ULK4: variants seen among roughly 807,000 people sequenced by gnomAD.
ULK4 encodes inactive serine/threonine-protein kinase ULK4.
ULK4 carries 133 observed loss-of-function variants against 160.6 expected under a neutral mutation model. That is an observed-to-expected ratio of 0.83 (90% CI 0.72 to 0.96). The LOEUF (loss-of-function observed/expected upper bound fraction) is 0.96. Among genes scored for constraint, ULK4 ranks in the 40% least tolerant of loss-of-function variants. ULK4 has a pLI of 0.00. For missense variants in ULK4, 1,580 were observed against 1,499.5 expected (o/e 1.05, Z -0.89); for synonymous variants, 534 against 539.8 (o/e 0.99, Z 0.15).
At chr3:41,384,553 G>T (rs551766278) in intron 35 of ULK4, among the ~76,000 whole-genome samples, 2 of 152,226 alleles carry the variant, frequency 1.3e-5, no homozygotes, top group East Asian at 3.9e-4. Flanking sequence ...GAGATCGGGT[G>T]CGTTCAGGGT....
At chr3:41,827,559 T>A (rs2041406491) in intron 18 of ULK4, among the ~76,000 whole-genome samples, 2 of 151,978 alleles carry the variant, frequency 1.3e-5, no homozygotes, top group Admixed American at 6.6e-5. Flanking sequence ...AATAAATGGA[T>A]AAATTCCTCG....
At chr3:41,379,684 T>C (rs1309818716) in intron 35 of ULK4, among the ~76,000 whole-genome samples, 1 of 152,122 alleles carries the variant, frequency 6.6e-6, no homozygotes, top group Admixed American at 6.6e-5. Flanking sequence ...AAGGAGACCA[T>C]GTGGTTTAGC....
At chr3:41,768,234 A>G (rs1281654732) in intron 21 of ULK4, among the ~76,000 whole-genome samples, 2 of 152,190 alleles carry the variant, frequency 1.3e-5, no homozygotes, top group Non-Finnish European at 2.9e-5. Flanking sequence ...TGGTGCCAAA[A>G]AGGGTGGAGA....
intron 22 of ULK4, among the ~76,000 whole-genome samples, chr3:41,738,577 T>C (rs758225908): frequency 6.6e-6 from 1 of 151,872 alleles, no homozygotes; most frequent in African/African-American, 2.4e-5. Flanking sequence ...TACTTTTTAG[T>C]TGGCTTAGTA....
intron 30 of ULK4, among the ~76,000 whole-genome samples, chr3:41,645,165 T>G (rs2034425516): frequency 6.7e-6 from 1 of 150,284 alleles, no homozygotes; most frequent in South Asian, 2.1e-4. Context: ...CATTAATTTT[T>G]TGAAGGGTTT....
rs575728037 is a variant in ULK4, at chr3:41,278,410, C to T, written c.3679-28836G>A. On this transcript the variant is annotated intron_variant, in intron 35 of 36. Transcript: ENST00000301831. ...AGCAGACAACTTCTGTAGACTTAAA[C>T]GTCCCTGGCTGACAGCTCTGAAGAG... 2.6e-5 allele frequency among the ~76,000 whole-genome samples: 4 copies of T among 152,324 alleles called. No homozygotes were observed. The East Asian group carries it at 7.7e-4, about 29-fold the overall frequency.
intron 35 of ULK4, chr3:41,260,097 G>T (rs2078912320): frequency 6.6e-6 from 1 of 152,114 alleles, no homozygotes; most frequent in African/African-American, 2.4e-5. Flanking sequence ...TATCCATCCA[G>T]CCCCTTCATT....
Position 41,246,766 on chromosome 3 carries a change from TG to T in ULK4, c.*162del. 4.1e-6 allele frequency: 3 copies of T among 733,998 alleles called. No individual in the cohort carries two copies. The highest frequency in any genetic ancestry group is 6.7e-6 in the Non-Finnish European group (3 of 450,112). The allele number at this position is 733,998 out of a possible 1,614,324, so 45.5% of individuals were successfully genotyped here. On this transcript the variant is annotated 3_prime_UTR_variant, in exon 37 of 37. Coordinates refer to ENST00000301831, the MANE Select transcript of ULK4 (RefSeq NM_017886.4). The stretch of plus-strand genomic sequence containing the variant: ...CATTCTGAGTCAGTTTTCTAGGCCC[TG>T]GGGTTAGTGAGCACTTGGGCCACCA...
intron 32 of ULK4, among the ~76,000 whole-genome samples, chr3:41,565,181 GC>G (rs1559399103): frequency 6.6e-6 from 1 of 152,190 alleles, no homozygotes. Context: ...TGATAAAACT[GC>G]CTAATGATGT....
chr3:41,484,371 G>C (rs1392413108), intron 32 of ULK4, among the ~76,000 whole-genome samples: 1 of 151,958 alleles, frequency 6.6e-6, no homozygotes, highest in Non-Finnish European at 1.5e-5. Context: ...AATTGTAACA[G>C]AGAAAACCCC....
Position 41,705,069 on chromosome 3 carries a change from G to A in ULK4, c.2769C>T (p.Asp923=), listed in dbSNP as rs747511722. 66 of 1,611,424 alleles carry A rather than the reference G, an allele frequency of 4.1e-5. No homozygotes were observed. The South Asian group carries it at 7.1e-4, about 17-fold the overall frequency. The change falls in exon 27 of 37, where the codon GAC becomes GAT. Residue 923 remains aspartate, a synonymous_variant. Coordinates refer to ENST00000301831, the MANE Select transcript of ULK4 (RefSeq NM_017886.4). ...TGCCAGAACTGACCGTGGAGCGATA[G>A]TCTTTCAATAAAATAGGATACTGTA... The part of the protein sequence containing the change: ...AIIQYPILLK[D]YRSTVVDYIL...
intron 2 of ULK4, among the ~76,000 whole-genome samples, chr3:41,941,820 G>T (rs1385108354): frequency 7.1e-6 from 1 of 139,970 alleles, no homozygotes; most frequent in African/African-American, 2.5e-5. Context: ...CAAAGAATAA[G>T]GAAGACCACC....
At chr3:41,818,577 G>A (rs1484747989) in intron 19 of ULK4, among the ~76,000 whole-genome samples, 1 of 152,140 alleles carries the variant, frequency 6.6e-6, no homozygotes, top group Non-Finnish European at 1.5e-5. Context: ...AAATGACTAG[G>A]TATTCAAACC....
intron 35 of ULK4, among the ~76,000 whole-genome samples, chr3:41,350,916 A>C (rs2125760996): frequency 6.6e-6 from 1 of 152,312 alleles, no homozygotes; most frequent in East Asian, 1.9e-4. Flanking sequence ...CCTCTTCTAG[A>C]ATGAAAGTAA....
At chr3:41,473,383 T>G (rs1363257413) in intron 32 of ULK4, among the ~76,000 whole-genome samples, 1 of 152,004 alleles carries the variant, frequency 6.6e-6, no homozygotes, top group East Asian at 1.9e-4. Context: ...AAATATAGGC[T>G]GGGCACAGTG....
chr3:41,406,881 G>A (rs9990047), intron 34 of ULK4, among the ~76,000 whole-genome samples: 33,208 of 152,100 alleles, frequency 0.22, 4,039 homozygotes, highest in African/African-American at 0.32. Context: ...AATGAAGAAC[G>A]GTTGTCCCTA....
intron 17 of ULK4, among the ~76,000 whole-genome samples, chr3:41,866,418 G>C (rs1328594413): frequency 6.6e-6 from 1 of 152,192 alleles, no homozygotes; most frequent in Non-Finnish European, 1.5e-5. Flanking sequence ...GATGGTTTTG[G>C]GATGAAACTG....
chr3:41,934,352 T>C (rs955901738), intron 4 of ULK4, among the ~76,000 whole-genome samples: 2 of 152,226 alleles, frequency 1.3e-5, no homozygotes, highest in African/African-American at 4.8e-5. Context: ...TTTAATTATA[T>C]TCTCATACAG....
intron 32 of ULK4, among the ~76,000 whole-genome samples, chr3:41,550,952 G>A (rs1045614802): frequency 4.6e-5 from 7 of 151,740 alleles, no homozygotes; most frequent in African/African-American, 1.7e-4. Flanking sequence ...ACATAATGGA[G>A]TAAAACTAGA....
Sources: gnomAD v4.1 joint callset for allele counts (sites outside exome capture counted in the v4.1 genomes callset) on GRCh38, gnomAD v4.1.1 for gene constraint, MANE v1.5 for transcripts, NCBI Gene and HGNC (gene_info 2026-07-23, HGNC 2026-07-21) for gene names.